The following CTNNA1 variants were observed in gnomAD, a reference collection of about 807,000 sequenced individuals.
CTNNA1 encodes catenin alpha 1.
A neutral mutation model predicts 98.4 loss-of-function variants in CTNNA1; 37 were observed. The ratio of observed to expected loss-of-function variants is 0.38; its 90% CI spans 0.29 to 0.49. The LOEUF (loss-of-function observed/expected upper bound fraction) is 0.49, where lower values mean the gene tolerates loss of function less well. Among genes scored for constraint, CTNNA1 ranks in the 20% least tolerant of loss-of-function variants. The pLI is 0.95. For missense variants in CTNNA1, 761 were observed against 1,147.2 expected (o/e 0.66, Z 4.86); for synonymous variants, 404 against 413.2 (o/e 0.98, Z 0.27).
intron 7 of CTNNA1, among the ~76,000 whole-genome samples, chr5:138,878,061 T>C (rs1399372823): frequency 6.6e-6 from 1 of 152,178 alleles, no homozygotes; most frequent in Non-Finnish European, 1.5e-5. Context: ...ATTATCTCAG[T>C]ACTATTATAA....
At chr5:138,933,143 AAAC>A (rs1320434015) in intron 17 of CTNNA1, among the ~76,000 whole-genome samples, 1 of 152,132 alleles carries the variant, frequency 6.6e-6, no homozygotes, top group Non-Finnish European at 1.5e-5. Flanking sequence ...AAACAAAACG[AAAC>A]AACAAAACAA....
chr5:138,824,750 A>C lies in CTNNA1; in HGVS notation c.809A>C (p.His270Pro). The change falls in exon 6 of 18, where the codon CAC becomes CCC. Residue 270 changes from histidine (H) to proline (P), a missense_variant. His to Pro is a moderately conservative substitution (Grantham distance 77). Around this residue, in one of 6 missense-constraint regions of CTNNA1, gnomAD observed 328 missense variants for 354.3 expected, o/e 0.93. Transcript: ENST00000302763. ...QATASDDASQ[H>P]QGGGGGELAY... ...ACTGCCTCAGACGATGCCTCACAGC[A>C]CCAGGGTGGAGGAGGAGGAGAACTG... is the stretch of plus-strand genomic sequence containing the variant. The C allele has an allele frequency of 1.2e-6, 2 of 1,614,240 alleles. No individual in the cohort carries two copies. The highest frequency in any genetic ancestry group is 1.7e-6 in the Non-Finnish European group (2 of 1,180,038).
intron 9 of CTNNA1, among the ~76,000 whole-genome samples, chr5:138,901,884 A>G (rs1758116319): frequency 6.6e-6 from 1 of 152,154 alleles, no homozygotes; most frequent in Admixed American, 6.6e-5. Flanking sequence ...TCAGAGAGCT[A>G]TGGTCATGAT....
intron 13 of CTNNA1, among the ~76,000 whole-genome samples, chr5:138,925,981 C>T (rs1403176778): frequency 2.0e-5 from 3 of 152,192 alleles, no homozygotes; most frequent in African/African-American, 4.8e-5. Context: ...TCCCGGCATA[C>T]CGTCCTGCTC....
At position 138,791,615 on chromosome 5, in the gene CTNNA1, CAAAAAAAAAAAAA is replaced by C. The variant is rs1181055311; in HGVS notation, c.301+8258_301+8270del. Among the ~76,000 whole-genome samples the C allele has an allele frequency of 2.7e-3, 110 of 40,308 alleles. 1 individual carries two copies. Among genetic ancestry groups the C allele is most frequent in the African/African-American group, 0.011 (102 of 9,202 alleles). The allele number at this position is 40,308 out of a possible 152,430, so 26.4% of individuals were successfully genotyped here. On this transcript the variant is annotated intron_variant, in intron 3 of 17. Transcript: ENST00000302763. ...CTGGAGACAGAGCAAGACTCCGTCT[CAAAAAAAAAAAAA>C]AAAAAAAAAAAAAAGGGTCTTGTTA...
At chr5:138,756,143 A>T (rs753451510) in intron 1 of CTNNA1, among the ~76,000 whole-genome samples, 2 of 149,414 alleles carry the variant, frequency 1.3e-5, no homozygotes, top group African/African-American at 2.5e-5. Flanking sequence ...GGTTCAAGCA[A>T]CTCTCCTGCC....
At chr5:138,813,382 C>T (rs1481563450) in intron 5 of CTNNA1, among the ~76,000 whole-genome samples, 1 of 152,164 alleles carries the variant, frequency 6.6e-6, no homozygotes, top group African/African-American at 2.4e-5. Context: ...GTGCAACATG[C>T]CTATTCCTCA....
intron 3 of CTNNA1, among the ~76,000 whole-genome samples, chr5:138,799,222 G>A (rs529391006): frequency 2.0e-5 from 3 of 152,100 alleles, no homozygotes; most frequent in East Asian, 1.9e-4. Flanking sequence ...GTGCAATGGC[G>A]TGACCTCGGT....
chr5:138,910,208 A>G (rs2150179487), intron 10 of CTNNA1, among the ~76,000 whole-genome samples: 1 of 143,916 alleles, frequency 6.9e-6, no homozygotes, highest in East Asian at 2.0e-4. Context: ...TTAAAATTGG[A>G]AAGTGTTTCC....
chr5:138,853,495 TAA>T (rs35324398), intron 7 of CTNNA1, among the ~76,000 whole-genome samples: 7 of 145,136 alleles, frequency 4.8e-5, no homozygotes, highest in African/African-American at 1.3e-4. Context: ...AGTATATACT[TAA>T]AAAAAAAAAA....
chr5:138,877,210 C>T (rs1191949101), intron 7 of CTNNA1, among the ~76,000 whole-genome samples: 1 of 152,188 alleles, frequency 6.6e-6, no homozygotes, highest in Non-Finnish European at 1.5e-5. Context: ...GAATGCTACT[C>T]CCCCTCTGAC....
chr5:138,902,661 C>T (rs577490759), intron 9 of CTNNA1, among the ~76,000 whole-genome samples: 7 of 152,268 alleles, frequency 4.6e-5, no homozygotes, highest in South Asian at 4.1e-4. Context: ...CCTCATGATC[C>T]GCCCGCCTCG....
chr5:138,843,055 AT>A (rs1762402868), intron 7 of CTNNA1, among the ~76,000 whole-genome samples: 1 of 152,202 alleles, frequency 6.6e-6, no homozygotes, highest in Admixed American at 6.5e-5. Flanking sequence ...TAAGGTATTG[AT>A]CAAGTGTGAA....
intron 7 of CTNNA1, among the ~76,000 whole-genome samples, chr5:138,881,474 G>A (rs539893269): frequency 6.6e-6 from 1 of 152,258 alleles, no homozygotes; most frequent in South Asian, 2.1e-4. Flanking sequence ...AAGCTTTTTA[G>A]CCCTACTCAT....
chr5:138,830,403 T>G (rs1218315594), intron 7 of CTNNA1, among the ~76,000 whole-genome samples: 1 of 152,180 alleles, frequency 6.6e-6, no homozygotes, highest in East Asian at 1.9e-4. Flanking sequence ...TCTTGAGATT[T>G]AGAAATGTAT....
intron 3 of CTNNA1, among the ~76,000 whole-genome samples, chr5:138,806,459 A>G: frequency 6.6e-6 from 1 of 151,542 alleles, no homozygotes; most frequent in East Asian, 1.9e-4. Context: ...TAAATAATGT[A>G]CTGTGCTTAA....
Position 138,887,646 on chromosome 5 carries a change from A to G in CTNNA1, c.1296+4A>G, listed in dbSNP as rs1754367152. ...ACATGCCAACAAATTGATTGAGGTA[A>G]GTGAATTAGCAGTTTCATTGACTTG... On this transcript the variant is annotated splice_donor_region_variant and intron_variant, in intron 9 of 17. Transcript: ENST00000302763. The G allele has an allele frequency of 6.2e-7, 1 of 1,605,870 alleles. No homozygotes were observed. Among genetic ancestry groups the G allele is most frequent in the Non-Finnish European group, 8.5e-7 (1 of 1,177,332 alleles).
At chr5:138,911,297 T>G (rs1253721327) in intron 10 of CTNNA1, among the ~76,000 whole-genome samples, 1 of 152,104 alleles carries the variant, frequency 6.6e-6, no homozygotes, top group Non-Finnish European at 1.5e-5. Context: ...GAGAGGCTCT[T>G]TAGGAAATTG....
At chr5:138,814,870 C>G (rs1046473544) in intron 5 of CTNNA1, among the ~76,000 whole-genome samples, 2 of 152,110 alleles carry the variant, frequency 1.3e-5, no homozygotes, top group Admixed American at 1.3e-4. Flanking sequence ...TCTCTTGCCT[C>G]AGGCTCCCGA....
Sources: allele counts gnomAD v4.1 joint callset (sites outside exome capture counted in the v4.1 genomes callset), GRCh38; gene constraint gnomAD v4.1.1; regional missense constraint gnomAD v4.1.1; transcripts MANE v1.5; gene names NCBI Gene and HGNC (gene_info 2026-07-23, HGNC 2026-07-21).